Variants in FSTL5 observed in about 807,000 individuals in gnomAD.
The protein encoded by FSTL5 is follistatin like 5.
In FSTL5, 62 loss-of-function variants were observed where a neutral mutation model predicts 89.1. That is an observed-to-expected ratio of 0.70 (90% CI 0.57 to 0.86). FSTL5 has a LOEUF of 0.86. Among genes scored for constraint, FSTL5 ranks in the 40% least tolerant of loss-of-function variants. The pLI is 0.00. For missense variants in FSTL5, 1,057 were observed against 1,001.6 expected, an observed-to-expected ratio of 1.06 and a Z score of -0.75; for synonymous variants, 383 against 346.2, an observed-to-expected ratio of 1.11 and a Z score of -1.18.
At chr4:161,413,968 TGCTA>T (rs1256312527) in intron 15 of FSTL5, among the ~76,000 whole-genome samples, 1 of 152,154 alleles carries the variant, frequency 6.6e-6, no homozygotes, top group Non-Finnish European at 1.5e-5. Context: ...CTGGGTACCA[TGCTA>T]GCTACAGGTG....
intron 1 of FSTL5, among the ~76,000 whole-genome samples, chr4:162,145,936 T>C (rs901321727): frequency 6.6e-6 from 1 of 152,170 alleles, no homozygotes; most frequent in African/African-American, 2.4e-5. Context: ...GGAATGTTTT[T>C]CACTTAATCT....
chr4:162,096,818 A>C (rs1730770897), intron 2 of FSTL5, among the ~76,000 whole-genome samples: 1 of 151,940 alleles, frequency 6.6e-6, no homozygotes, highest in Non-Finnish European at 1.5e-5. Context: ...TTAATACAAA[A>C]ATTTTTTAAC....
chr4:162,097,658 A>C (rs980793486), intron 2 of FSTL5, among the ~76,000 whole-genome samples: 2 of 151,878 alleles, frequency 1.3e-5, no homozygotes, highest in African/African-American at 4.8e-5. Flanking sequence ...CAATGGCAAA[A>C]ATTGGAGCAG....
At chr4:162,084,088 TA>T (rs1375147320) in intron 2 of FSTL5, among the ~76,000 whole-genome samples, 1 of 151,924 alleles carries the variant, frequency 6.6e-6, no homozygotes, top group Non-Finnish European at 1.5e-5. Flanking sequence ...ATTCGAATAT[TA>T]AAATATATCA....
intron 7 of FSTL5, among the ~76,000 whole-genome samples, chr4:161,624,443 A>G (rs12511141): frequency 0.2 from 30,834 of 151,800 alleles, 3,901 homozygotes; most frequent in Non-Finnish European, 0.26. Flanking sequence ...AGAACACACA[A>G]AATTATCTAA....
At chr4:161,390,872 A>G (rs1321559598) in intron 15 of FSTL5, among the ~76,000 whole-genome samples, 1 of 152,150 alleles carries the variant, frequency 6.6e-6, no homozygotes, top group African/African-American at 2.4e-5. Flanking sequence ...CTGACTTTCA[A>G]TGTTTACCCA....
chr4:161,705,000 G>A (rs1159885024), intron 6 of FSTL5, among the ~76,000 whole-genome samples: 1 of 151,690 alleles, frequency 6.6e-6, no homozygotes, highest in Non-Finnish European at 1.5e-5. Flanking sequence ...AGCCTCCTGT[G>A]GATTCCAAAT....
At chr4:161,441,276 A>G (rs1732752476) in intron 15 of FSTL5, among the ~76,000 whole-genome samples, 1 of 152,136 alleles carries the variant, frequency 6.6e-6, no homozygotes, top group Admixed American at 6.5e-5. Context: ...TACAACACCA[A>G]TATTAAAACT....
intron 11 of FSTL5, among the ~76,000 whole-genome samples, chr4:161,507,992 A>G (rs1158618203): frequency 2.0e-5 from 3 of 151,994 alleles, no homozygotes; most frequent in South Asian, 4.1e-4. Context: ...AAATATATAA[A>G]TATAAAACAC....
At chr4:161,499,109 G>A (rs1283079816) in intron 12 of FSTL5, among the ~76,000 whole-genome samples, 1 of 152,102 alleles carries the variant, frequency 6.6e-6, no homozygotes, top group South Asian at 2.1e-4. Context: ...GGCTGAGGCA[G>A]GATAATTGCT....
At chr4:161,766,743 T>A (rs563915465) in intron 5 of FSTL5, among the ~76,000 whole-genome samples, 4 of 152,324 alleles carry the variant, frequency 2.6e-5, no homozygotes, top group Non-Finnish European at 5.9e-5. Flanking sequence ...CTCATATCTG[T>A]TGTACTTCAG....
chr4:161,907,009 T>C (rs563780314), intron 4 of FSTL5, among the ~76,000 whole-genome samples: 7 of 152,258 alleles, frequency 4.6e-5, no homozygotes, highest in African/African-American at 1.4e-4. Flanking sequence ...CTAGTTATTT[T>C]TGAGCTACAG....
In FSTL5 at chr4:162,099,189, A is replaced by G. The variant is rs1376938679; in HGVS notation, c.126+12082T>C. On this transcript the variant is annotated intron_variant, in intron 2 of 15. Coordinates refer to ENST00000306100, the MANE Select transcript of FSTL5 (RefSeq NM_020116.5). The stretch of plus-strand genomic sequence containing the variant: ...TATTTTCTTTCAGCTATTTTGAAAC[A>G]CACAATAAGTTATTGTTAACTATAG... 2.0e-5 allele frequency among the ~76,000 whole-genome samples: 3 copies of G among 152,100 alleles called. No homozygotes were observed. The East Asian group carries it at 5.8e-4, about 29-fold the overall frequency.
chr4:161,738,519 G>C (rs1739896938), intron 6 of FSTL5, among the ~76,000 whole-genome samples: 1 of 151,940 alleles, frequency 6.6e-6, no homozygotes, highest in African/African-American at 2.4e-5. Flanking sequence ...ATATAAATAA[G>C]AGTCAGATAA....
chr4:161,587,603 T>C (rs1733662245), intron 7 of FSTL5, 28 bp from the exon 8 acceptor site: 10 of 1,553,118 alleles, frequency 6.4e-6, no homozygotes, highest in Non-Finnish European at 8.8e-6. Context: ...AAACAAGGTG[T>C]TTGCATTTTG....
At chr4:161,484,015 C>A (rs1282791031) in intron 12 of FSTL5, among the ~76,000 whole-genome samples, 1 of 151,880 alleles carries the variant, frequency 6.6e-6, no homozygotes, top group East Asian at 1.9e-4. Context: ...ATTATACTTT[C>A]CCAAAATGTT....
At chr4:161,686,964 C>T (rs544240765) in intron 6 of FSTL5, among the ~76,000 whole-genome samples, 1 of 152,208 alleles carries the variant, frequency 6.6e-6, no homozygotes, top group African/African-American at 2.4e-5. Context: ...TCCTATGTTT[C>T]TCTGGCTCCT....
At chr4:161,653,488 T>A (rs1736409489) in intron 7 of FSTL5, among the ~76,000 whole-genome samples, 1 of 152,262 alleles carries the variant, frequency 6.6e-6, no homozygotes, top group Non-Finnish European at 1.5e-5. Context: ...GTAAGATTTT[T>A]GATTTCCAAC....
chr4:161,586,455 ACT>A lies in FSTL5; in HGVS notation c.1015+998_1015+999del, dbSNP rs542633810. Among the ~76,000 whole-genome samples the A allele has an allele frequency of 1.5e-4, 23 of 152,184 alleles. No homozygotes were observed. In the South Asian group the frequency reaches 4.8e-3, roughly 32 times the overall value. On this transcript the variant is annotated intron_variant, in intron 8 of 15. Coordinates refer to ENST00000306100, the MANE Select transcript of FSTL5 (RefSeq NM_020116.5). ...TCAAATTCCTTAGCATCATTTTTTA[ACT>A]CTCTCTCACACTCACATGCTATTCC... is the stretch of plus-strand genomic sequence containing the variant.
Sources: allele counts gnomAD v4.1 joint callset (sites outside exome capture counted in the v4.1 genomes callset), GRCh38; gene constraint gnomAD v4.1.1; transcripts MANE v1.5; gene names NCBI Gene and HGNC (gene_info 2026-07-23, HGNC 2026-07-21).